Variants in SNX29 observed in about 807,000 individuals in gnomAD.
The protein encoded by SNX29 is sorting nexin 29.
A neutral mutation model predicts 102.1 loss-of-function variants in SNX29; 78 were observed. The observed-to-expected ratio is 0.76, with a 90% CI of 0.64 to 0.92. The LOEUF is 0.92. Ranked by LOEUF, SNX29 falls within the 40% of genes least tolerant of loss-of-function variation. SNX29 has a pLI of 0.00. For synonymous variants in SNX29, 580 were observed against 414.5 expected, an observed-to-expected ratio of 1.40 and a Z score of -4.85; for missense variants, 1,280 against 1,061.7, an observed-to-expected ratio of 1.21 and a Z score of -2.86.
chr16:12,439,556 G>A (rs1201319167), intron 18 of SNX29, among the ~76,000 whole-genome samples: 1 of 152,152 alleles, frequency 6.6e-6, no homozygotes, highest in African/African-American at 2.4e-5. Flanking sequence ...AGCGAAAGGG[G>A]TTTCCCCTCA....
At chr16:12,206,398 A>T (rs2077045167) in intron 14 of SNX29, among the ~76,000 whole-genome samples, 1 of 151,900 alleles carries the variant, frequency 6.6e-6, no homozygotes, top group Non-Finnish European at 1.5e-5. Flanking sequence ...AAAAAAAAAA[A>T]AAAAAGCCCT....
rs1021287443 is a variant in SNX29 at position 12,424,234 on chromosome 16, A to G, written c.2037+20705A>G. Among the ~76,000 whole-genome samples the G allele has an allele frequency of 1.9e-4, 29 of 152,230 alleles. 1 individual carries two copies. The highest frequency in any genetic ancestry group is 6.5e-4 in the African/African-American group (27 of 41,458). ...GTAAAATGAAGAGCCCTTCAAGAGC[A>G]GAGTGTGGGTCTGTCTAGGGTGTGG... On this transcript the variant is annotated intron_variant, in intron 18 of 20. Coordinates refer to ENST00000566228, the MANE Select transcript of SNX29 (RefSeq NM_032167.5).
chr16:11,995,666 A>G (rs902809806), intron 1 of SNX29, among the ~76,000 whole-genome samples: 3 of 148,070 alleles, frequency 2.0e-5, no homozygotes, highest in Non-Finnish European at 4.5e-5. Context: ...AAAAAAAAAG[A>G]CATCGAGGAT....
intron 8 of SNX29, among the ~76,000 whole-genome samples, chr16:12,058,701 C>T (rs1171670188): frequency 6.6e-6 from 1 of 151,276 alleles, no homozygotes; most frequent in Non-Finnish European, 1.5e-5. Flanking sequence ...ACCATGTTGG[C>T]CAGGCTGGTC....
chr16:12,524,066 G>C (rs2151955013), intron 19 of SNX29, among the ~76,000 whole-genome samples: 1 of 152,264 alleles, frequency 6.6e-6, no homozygotes, highest in African/African-American at 2.4e-5. Flanking sequence ...ATTTTTAGTA[G>C]AGAAACGTGG....
intron 13 of SNX29, among the ~76,000 whole-genome samples, chr16:12,181,260 C>G (rs895083683): frequency 3.3e-5 from 5 of 152,170 alleles, no homozygotes; most frequent in Non-Finnish European, 7.4e-5. Context: ...ACACAGCCTC[C>G]GGAGGTCCCG....
intron 18 of SNX29, among the ~76,000 whole-genome samples, chr16:12,404,977 T>C (rs2084104145): frequency 6.6e-6 from 1 of 152,188 alleles, no homozygotes; most frequent in Non-Finnish European, 1.5e-5. Context: ...TGGGCAACAG[T>C]CATAGGAGAA....
At chr16:12,502,505 C>T (rs907859482) in intron 19 of SNX29, among the ~76,000 whole-genome samples, 1 of 152,070 alleles carries the variant, frequency 6.6e-6, no homozygotes, top group Non-Finnish European at 1.5e-5. Context: ...TGCCACCCCC[C>T]AACTCTGACT....
At chr16:12,525,636 G>A (rs1294062508) in intron 20 of SNX29, among the ~76,000 whole-genome samples, 3 of 151,160 alleles carry the variant, frequency 2.0e-5, no homozygotes, top group Non-Finnish European at 2.9e-5. Context: ...AGGTTGCAGT[G>A]AGCTGAGATT....
chr16:12,436,776 C>T (rs1379327340), intron 18 of SNX29, among the ~76,000 whole-genome samples: 2 of 152,246 alleles, frequency 1.3e-5, no homozygotes, highest in Non-Finnish European at 2.9e-5. Context: ...GCCTCAGCCT[C>T]CCTAGTAGCT....
At chr16:12,162,052 A>T (rs544857111) in intron 13 of SNX29, among the ~76,000 whole-genome samples, 1 of 152,246 alleles carries the variant, frequency 6.6e-6, no homozygotes, top group Admixed American at 6.5e-5. Context: ...TAAATGGTCT[A>T]TTAAACCTCA....
At chr16:12,092,206 C>T (rs929960695) in intron 11 of SNX29, among the ~76,000 whole-genome samples, 3 of 152,164 alleles carry the variant, frequency 2.0e-5, no homozygotes, top group African/African-American at 4.8e-5. Flanking sequence ...TGAGTAGACA[C>T]ACTTTGTCTG....
intron 3 of SNX29, among the ~76,000 whole-genome samples, chr16:12,025,523 T>G (rs993060829): frequency 6.6e-6 from 1 of 152,078 alleles, no homozygotes; most frequent in African/African-American, 2.4e-5. Flanking sequence ...GTGCCAGGAA[T>G]CCAGCAAAGA....
At chr16:12,239,962 G>A (rs2078052230) in intron 14 of SNX29, among the ~76,000 whole-genome samples, 1 of 152,158 alleles carries the variant, frequency 6.6e-6, no homozygotes, top group Non-Finnish European at 1.5e-5. Context: ...CCTCTTCCCA[G>A]TCTTTTTTAT....
chr16:12,208,876 A>C (rs1357648522), intron 14 of SNX29, among the ~76,000 whole-genome samples: 1 of 150,922 alleles, frequency 6.6e-6, no homozygotes, highest in Non-Finnish European at 1.5e-5. Flanking sequence ...GTCACTTGTT[A>C]CTCGTTTATT....
chr16:12,170,772 AGTGT>A (rs34565040), intron 13 of SNX29, among the ~76,000 whole-genome samples: 2 of 149,896 alleles, frequency 1.3e-5, no homozygotes, highest in Non-Finnish European at 3.0e-5. Flanking sequence ...GAGGAGTGTG[AGTGT>A]GTGTGTGAGA....
At chr16:12,243,280 G>A (rs1172685303) in intron 14 of SNX29, among the ~76,000 whole-genome samples, 1 of 152,188 alleles carries the variant, frequency 6.6e-6, no homozygotes. Flanking sequence ...ATGTGCTCCA[G>A]GTGACCAAAG....
intron 20 of SNX29, among the ~76,000 whole-genome samples, chr16:12,540,564 C>T (rs2077286377): frequency 6.6e-6 from 1 of 152,176 alleles, no homozygotes; most frequent in African/African-American, 2.4e-5. Context: ...TGCCATGGCC[C>T]CTTCTTTGCT....
chr16:12,524,797 C>T lies in SNX29; in HGVS notation c.2274C>T (p.Ala758=). The change falls in exon 20 of 21, where the codon GCC becomes GCT. Residue 758 remains alanine (A), a synonymous_variant. Coordinates refer to ENST00000566228, the MANE Select transcript of SNX29 (RefSeq NM_032167.5). The part of the protein sequence containing the change: ...KVIQMVPEFA[A]SPKKETLIQL... ...TCCAGATGGTCCCCGAGTTCGCTGC[C>T]AGCCCCAAGAAGGAGACCCTCATCC... is the stretch of plus-strand genomic sequence containing the variant. 2 of 1,613,796 alleles carry T rather than the reference C, an allele frequency of 1.2e-6. No homozygotes were observed. The highest frequency in any genetic ancestry group is 1.7e-6 in the Non-Finnish European group (2 of 1,179,830).
Sources: allele counts gnomAD v4.1 joint callset (sites outside exome capture counted in the v4.1 genomes callset), GRCh38; gene constraint gnomAD v4.1.1; transcripts MANE v1.5; gene names NCBI Gene and HGNC (gene_info 2026-07-23, HGNC 2026-07-21).